The following FBH1 variants were observed in gnomAD, a reference collection of about 807,000 sequenced individuals.
FBH1 encodes F-box DNA helicase 1.
A neutral mutation model predicts 115.5 loss-of-function variants in FBH1; 43 were observed. The observed-to-expected ratio is 0.37, with a 90% confidence interval of 0.29 to 0.48. FBH1 has a LOEUF of 0.48. FBH1 is among the 20% of genes least tolerant of loss of function. The probability of loss-of-function intolerance (pLI) is 0.99; values close to 1 mark genes in which losing one functional copy is unlikely to be tolerated. For synonymous variants in FBH1, 524 were observed against 507.8 expected (o/e 1.03, Z -0.43); for missense variants, 1,001 against 1,337.3 (o/e 0.75, Z 3.92).
At chr10:5,901,052 G>T (rs1412507521) in intron 1 of FBH1, among the ~76,000 whole-genome samples, 1 of 152,076 alleles carries the variant, frequency 6.6e-6, no homozygotes, top group Non-Finnish European at 1.5e-5. Flanking sequence ...AGCCAAGATT[G>T]TGTCACTGTG....
rs377557899 is a variant in FBH1 at position 5,913,829 on chromosome 10, G to C, written c.1294G>C (p.Val432Leu). 7.5e-6 allele frequency: 12 copies of C among 1,598,826 alleles called. No homozygotes were observed. The highest frequency in any genetic ancestry group is 2.3e-5 in the South Asian group (2 of 87,702). ...CACAAAAGTTAAAGAGGAGCCATCT[G>C]TCTGGCCAGGGTATGTGTATATGTG... ...QATKVKEEPSVWPGKKTIQLT... is the reference protein window; with the variant it reads ...QATKVKEEPSLWPGKKTIQLT... Residue 432 changes from valine (V) to leucine (L), a missense_variant, in exon 7 of 21, where the codon GTC becomes CTC. By Grantham distance (32) the Val-to-Leu change is conservative. Coordinates refer to ENST00000362091, the MANE Select transcript of FBH1 (RefSeq NM_178150.3). The surrounding 1 kb of genome is among the most constrained non-coding windows in gnomAD (Gnocchi z 4.4).
chr10:5,906,556 T>C lies in FBH1; in HGVS notation c.677T>C (p.Phe226Ser). 1 of 1,613,974 alleles carries C rather than the reference T, an allele frequency of 6.2e-7. No homozygotes were observed. Among genetic ancestry groups the C allele is most frequent in the Non-Finnish European group, 8.5e-7 (1 of 1,179,996 alleles). Reference sequence around the variant, plus strand: ...GAGGTCCTGAGGCACGTGTTTGCCTTCCTCCCGGTGGAAGACCTCTATTGG... The same window carrying C: ...GAGGTCCTGAGGCACGTGTTTGCCTCCCTCCCGGTGGAAGACCTCTATTGG... ...PSEVLRHVFAFLPVEDLYWNL... is the reference protein window; with the variant it reads ...PSEVLRHVFASLPVEDLYWNL... The change falls in exon 3 of 21, where the codon TTC (phenylalanine) becomes TCC (serine). Residue 226 changes from phenylalanine (F) to serine (S), a missense_variant. Physicochemically the swap from Phe to Ser is radical, Grantham distance 155. Transcript: ENST00000362091. This position sits in a 1 kb window ranked among gnomAD's most constrained non-coding sequence, Gnocchi z 7.3.
chr10:5,937,561 G>C lies in FBH1; in HGVS notation c.*281G>C, dbSNP rs369237534. On this transcript the variant is annotated 3_prime_UTR_variant, in exon 21 of 21. Transcript: ENST00000362091. ...TTATGTATTTAAACTTTTATTACAA[G>C]ATTTCAATTAAACAGGCACCATAGC... 3.6e-5 allele frequency: 9 copies of C among 250,098 alleles called. No individual in the cohort carries two copies. In the South Asian group the frequency reaches 4.6e-4, roughly 13 times the overall value. The allele number at this position is 250,098 out of a possible 1,614,324, so 15.5% of individuals were successfully genotyped here.
intron 19 of FBH1, among the ~76,000 whole-genome samples, chr10:5,930,827 G>A (rs565077482): frequency 1.3e-5 from 2 of 152,284 alleles, no homozygotes; most frequent in South Asian, 2.1e-4. Flanking sequence ...ATGGCTTACT[G>A]CAGCATCAAC....
In FBH1 at chr10:5,910,728, C is replaced by T. The variant is rs1831528668; in HGVS notation, c.1021-210C>T. On this transcript the variant is annotated intron_variant, in intron 5 of 20. Transcript: ENST00000362091. The surrounding 1 kb of genome is among the most constrained non-coding windows in gnomAD (Gnocchi z 4.8). Reference sequence around the variant, plus strand: ...TTATTTAATTAAAGAAAACTAAGATCTCAAATCCAAAAGTGATGAGAAGGA... The same window carrying T: ...TTATTTAATTAAAGAAAACTAAGATTTCAAATCCAAAAGTGATGAGAAGGA... Among the ~76,000 whole-genome samples, 1 of 152,224 alleles carries T rather than the reference C, an allele frequency of 6.6e-6. No homozygotes were observed. Among genetic ancestry groups the T allele is most frequent in the African/African-American group, 2.4e-5 (1 of 41,454 alleles).
chr10:5,925,206 C>T lies in FBH1; in HGVS notation c.2597-161C>T. 1 of 826,008 alleles carries T rather than the reference C, an allele frequency of 1.2e-6. No homozygotes were observed. The highest frequency in any genetic ancestry group is 1.9e-5 in the South Asian group (1 of 54,042). 51.2% of individuals were successfully genotyped at this position (826,008 alleles called of 1,614,324 possible). The stretch of plus-strand genomic sequence containing the variant: ...TCTTTTTTCTGTTCCCGACAGTTGT[C>T]TGTTCCCGACAGTTGTTTCCTCTTT... On this transcript the variant is annotated intron_variant, in intron 17 of 20. Coordinates refer to ENST00000362091, the MANE Select transcript of FBH1 (RefSeq NM_178150.3). The surrounding 1 kb of genome is among the most constrained non-coding windows in gnomAD (Gnocchi z 4.6).
intron 3 of FBH1, among the ~76,000 whole-genome samples, chr10:5,907,770 G>A (rs1843802442): frequency 6.6e-6 from 1 of 152,136 alleles, no homozygotes; most frequent in African/African-American, 2.4e-5. Context: ...CACTGTGCCT[G>A]GGCAAGGGTA....
rs1198043089 is a variant in FBH1, at chr10:5,911,052, G to C, written c.1135G>C (p.Asp379His). The C allele has an allele frequency of 6.2e-7, 1 of 1,613,278 alleles. No individual in the cohort carries two copies. The highest frequency in any genetic ancestry group is 1.3e-5 in the African/African-American group (1 of 74,934). ...ACCCAGCTCCACGGTGACCATGCCAGATGTCACCGAGACCCTGTACTGCAT... is the reference window on the plus strand; with the variant it reads ...ACCCAGCTCCACGGTGACCATGCCACATGTCACCGAGACCCTGTACTGCAT... ...RRPSSTVTMP[D>H]VTETLYCIAV... is the part of the protein sequence containing the mutation. The change falls in exon 6 of 21, where the codon GAT (aspartate) becomes CAT (histidine). Residue 379 changes from aspartate to histidine, a missense_variant. Asp to His is a moderately conservative substitution (Grantham distance 81, BLOSUM62 -1). This residue lies in a region of FBH1 where 59 missense variants were observed against 79.7 expected (regional missense o/e 0.74). Transcript: ENST00000362091. The surrounding 1 kb of genome is among the most constrained non-coding windows in gnomAD (Gnocchi z 5.4).
intron 19 of FBH1, among the ~76,000 whole-genome samples, chr10:5,930,215 C>A (rs765301420): frequency 6.6e-6 from 1 of 152,100 alleles, no homozygotes; most frequent in Non-Finnish European, 1.5e-5. Context: ...CATATGTGGC[C>A]TCTACTACCC....
Position 5,925,456 on chromosome 10 carries a change from C to T in FBH1, c.2686C>T (p.Arg896Trp), listed in dbSNP as rs764751665. ...LDDFVKVPCA[R>W]HNLPQLPHFR... ...TGATTTTGTGAAAGTGCCTTGTGCC[C>T]GGCATAACCTGCCCCAGCTTCCGCA... The change falls in exon 18 of 21, where the codon CGG becomes TGG. Residue 896 changes from arginine (R) to tryptophan (W), a missense_variant. Arg to Trp is a moderately radical substitution (Grantham distance 101, BLOSUM62 -3). Transcript: ENST00000362091. The surrounding 1 kb of genome is among the most constrained non-coding windows in gnomAD (Gnocchi z 4.6). 17 of 1,614,104 alleles carry T rather than the reference C, an allele frequency of 1.1e-5. No homozygotes were observed. The highest frequency in any genetic ancestry group is 2.2e-5 in the East Asian group (1 of 44,884).
Position 5,909,240 on chromosome 10 carries a change from C to T in FBH1, c.966C>T (p.Pro322=), listed in dbSNP as rs41306405. The T allele has an allele frequency of 1.1e-3, 1,760 of 1,613,190 alleles. 4 individuals are homozygous for T. Among genetic ancestry groups the T allele is most frequent in the Middle Eastern group, 1.3e-3 (8 of 6,058 alleles). Residue 322 remains proline (P), a synonymous_variant, in exon 5 of 21, where the codon CCC becomes CCT. Coordinates refer to ENST00000362091, the MANE Select transcript of FBH1 (RefSeq NM_178150.3). The surrounding 1 kb of genome is among the most constrained non-coding windows in gnomAD (Gnocchi z 4.4). ...LWSLRDHPLL[P]EAEACVRQHL... The stretch of plus-strand genomic sequence containing the variant: ...GTCTGAGGGACCACCCCCTCCTCCC[C>T]GAGGCTGAGGCGTGTGTGCGGCAAC...
rs1156325699 is a variant in FBH1, at chr10:5,931,747, C to T, written c.2829+4206C>T. 6.6e-6 allele frequency among the ~76,000 whole-genome samples: 1 copy of T among 152,106 alleles called. No homozygotes were observed. The highest frequency in any genetic ancestry group is 1.9e-4 in the East Asian group (1 of 5,202). ...GTGGTTTTATTACCAACTTAATTTG[C>T]AGTTAGACATGTAGTTTATTCATAA... On this transcript the variant is annotated intron_variant, in intron 19 of 20. Transcript: ENST00000362091. This position sits in a 1 kb window ranked among gnomAD's most constrained non-coding sequence, Gnocchi z 4.3.
chr10:5,927,387 C>G (rs1832718198), intron 18 of FBH1, 48 bp from the exon 19 acceptor site: 3 of 1,424,520 alleles, frequency 2.1e-6, no homozygotes, highest in African/African-American at 1.4e-5. Flanking sequence ...GTTTTGTAAG[C>G]TTTTCTAAGG....
In FBH1 at chr10:5,914,072, G is replaced by T. The variant is rs1231927527; in HGVS notation, c.1305-106G>T. ...CTCGTAAGGGGAGGCCTTTTTTTTG[G>T]TCAGCTTTTGTTTATCCAGTTTGTA... is the stretch of plus-strand genomic sequence containing the variant. On this transcript the variant is annotated intron_variant, in intron 7 of 20. Coordinates refer to ENST00000362091, the MANE Select transcript of FBH1 (RefSeq NM_178150.3). This position sits in a 1 kb window ranked among gnomAD's most constrained non-coding sequence, Gnocchi z 5.2. The T allele has an allele frequency of 3.2e-5, 36 of 1,133,650 alleles. No individual in the cohort carries two copies. In the East Asian group the frequency reaches 8.5e-4, roughly 27 times the overall value. The allele number at this position is 1,133,650 out of a possible 1,614,324, so 70.2% of individuals were successfully genotyped here.
rs1424712384 is a variant in FBH1, at chr10:5,906,349, C to T, written c.470C>T (p.Thr157Ile). Reference sequence around the variant, plus strand: ...CGGCACCATTTGTCTGTGCCATGCACAAGGCCTAGGGAGGCCAGGCAAGAA... The same window carrying T: ...CGGCACCATTTGTCTGTGCCATGCATAAGGCCTAGGGAGGCCAGGCAAGAA... Reference protein sequence around the residue: ...APRHHLSVPCTRPREARQEAE... With the variant: ...APRHHLSVPCIRPREARQEAE... The change falls in exon 3 of 21, where the codon ACA becomes ATA. Residue 157 changes from threonine to isoleucine, a missense_variant. Thr to Ile is a moderately conservative substitution (Grantham distance 89, BLOSUM62 -1). Coordinates refer to ENST00000362091, the MANE Select transcript of FBH1 (RefSeq NM_178150.3). This position sits in a 1 kb window ranked among gnomAD's most constrained non-coding sequence, Gnocchi z 7.3. The T allele has an allele frequency of 3.1e-6, 5 of 1,614,230 alleles. No individual in the cohort carries two copies. Among genetic ancestry groups the T allele is most frequent in the Admixed American group, 1.7e-5 (1 of 60,032 alleles).
In FBH1 at chr10:5,937,222, G is replaced by A. The variant is rs780293728; in HGVS notation, c.3074G>A (p.Arg1025His). The A allele has an allele frequency of 4.6e-5, 74 of 1,613,584 alleles. No homozygotes were observed. Among genetic ancestry groups the A allele is most frequent in the Non-Finnish European group, 5.1e-5 (60 of 1,179,846 alleles). The change falls in exon 21 of 21, where the codon CGC becomes CAC. Residue 1025 changes from arginine to histidine, a missense_variant. Around this residue, in one of 4 missense-constraint regions of FBH1, gnomAD observed 521 missense variants for 811.0 expected, o/e 0.64. Coordinates refer to ENST00000362091, the MANE Select transcript of FBH1 (RefSeq NM_178150.3). ...CCGGAGCAGGTGCGCGCCATGGAGC[G>A]CACTGTGGAGAACATCGTACTGCCC... The part of the protein sequence containing the change: ...ASPEQVRAME[R>H]TVENIVLPRH...
At chr10:5,901,639 A>C (rs1589054859) in intron 1 of FBH1, among the ~76,000 whole-genome samples, 1 of 145,774 alleles carries the variant, frequency 6.9e-6, no homozygotes, top group East Asian at 2.0e-4. Context: ...ATCTTGGGTC[A>C]CTACAACCTC....
Position 5,932,656 on chromosome 10 carries a change from A to G in FBH1, c.2830-3800A>G, listed in dbSNP as rs1393129208. ...CTGTTTTTGCCAGTGCATCTTCAGCATGCATTTCTAGAAGTGGAATTGCTG... is the reference window on the plus strand; with the variant it reads ...CTGTTTTTGCCAGTGCATCTTCAGCGTGCATTTCTAGAAGTGGAATTGCTG... On this transcript the variant is annotated intron_variant, in intron 19 of 20. Coordinates refer to ENST00000362091, the MANE Select transcript of FBH1 (RefSeq NM_178150.3). This position sits in a 1 kb window ranked among gnomAD's most constrained non-coding sequence, Gnocchi z 5.9. Among the ~76,000 whole-genome samples, 1 of 152,230 alleles carries G rather than the reference A, an allele frequency of 6.6e-6. No homozygotes were observed. Among genetic ancestry groups the G allele is most frequent in the Admixed American group, 6.5e-5 (1 of 15,274 alleles).
In FBH1 at chr10:5,918,531, G is replaced by T. The variant is rs899293963; in HGVS notation, c.2100+53G>T. Reference sequence around the variant, plus strand: ...TTGCATCTCTCTCCCAATGTCTTACGTGCCAGGCCCTGTGAAAGGTGGTAT... The same window carrying T: ...TTGCATCTCTCTCCCAATGTCTTACTTGCCAGGCCCTGTGAAAGGTGGTAT... On this transcript the variant is annotated intron_variant, in intron 13 of 20. Coordinates refer to ENST00000362091, the MANE Select transcript of FBH1 (RefSeq NM_178150.3). The surrounding 1 kb of genome is among the most constrained non-coding windows in gnomAD (Gnocchi z 4.0). 1 of 1,500,310 alleles carries T rather than the reference G, an allele frequency of 6.7e-7. No individual in the cohort carries two copies. 92.9% of individuals were successfully genotyped at this position (1,500,310 alleles called of 1,614,324 possible).
Sources: allele counts gnomAD v4.1 joint callset (sites outside exome capture counted in the v4.1 genomes callset), GRCh38; gene constraint gnomAD v4.1.1; regional missense constraint gnomAD v4.1.1; non-coding constraint Gnocchi (gnomAD v3.1); transcripts MANE v1.5; gene names NCBI Gene and HGNC (gene_info 2026-07-23, HGNC 2026-07-21).